The following YARS1 variants were observed in gnomAD, a reference collection of about 807,000 sequenced individuals.
YARS1 encodes tyrosyl-tRNA synthetase 1.
In YARS1, 36 loss-of-function variants were observed where a neutral mutation model predicts 62.2. The ratio of observed to expected loss-of-function variants is 0.58; its 90% CI spans 0.44 to 0.76. The LOEUF (loss-of-function observed/expected upper bound fraction) is 0.76. Ranked by LOEUF, YARS1 falls within the 30% of genes least tolerant of loss-of-function variation. The pLI is 0.00. For synonymous variants in YARS1, 234 were observed against 244.9 expected (o/e 0.96, Z 0.42); for missense variants, 524 against 639.8 (o/e 0.82, Z 1.95).
chr1:32,784,105 A>T (rs890101598), intron 8 of YARS1, among the ~76,000 whole-genome samples: 1 of 152,042 alleles, frequency 6.6e-6, no homozygotes, highest in South Asian at 2.1e-4. Flanking sequence ...CCTGGGCTCA[A>T]GCGATCCTCC....
At chr1:32,795,173 G>A (rs1418270583) in intron 5 of YARS1, among the ~76,000 whole-genome samples, 3 of 150,746 alleles carry the variant, frequency 2.0e-5, no homozygotes, top group African/African-American at 7.3e-5. Context: ...CAAAAAATTA[G>A]CAGGGTGTGG....
chr1:32,797,103 G>C (rs1326581839), intron 5 of YARS1, among the ~76,000 whole-genome samples: 1 of 132,666 alleles, frequency 7.5e-6, no homozygotes, highest in Non-Finnish European at 1.5e-5. Context: ...CAGGCACAGT[G>C]GATCTCACCT....
rs1652839884 is a variant in YARS1 at position 32,775,885 on chromosome 1, T to G, written c.*96A>C. 2.6e-6 allele frequency: 3 copies of G among 1,168,888 alleles called. No individual in the cohort carries two copies. The highest frequency in any genetic ancestry group is 3.8e-6 in the Non-Finnish European group (3 of 786,668). The allele number at this position is 1,168,888 out of a possible 1,614,324, so 72.4% of individuals were successfully genotyped here. Reference sequence around the variant, plus strand: ...AAAGAGTCCAAACCCGCTGCTTCCGTGTCCTGAGAGATGGGTAAATGGGTG... The same window carrying G: ...AAAGAGTCCAAACCCGCTGCTTCCGGGTCCTGAGAGATGGGTAAATGGGTG... On this transcript the variant is annotated 3_prime_UTR_variant, in exon 13 of 13. Transcript: ENST00000373477.
At chr1:32,789,736 A>G (rs1187812770) in intron 6 of YARS1, among the ~76,000 whole-genome samples, 1 of 138,564 alleles carries the variant, frequency 7.2e-6, no homozygotes, top group Non-Finnish European at 1.6e-5. Flanking sequence ...TTACAGGTGC[A>G]TGCCACCACA....
intron 1 of YARS1, among the ~76,000 whole-genome samples, chr1:32,811,866 C>T (rs1638594059): frequency 1.3e-5 from 2 of 152,064 alleles, no homozygotes; most frequent in South Asian, 2.1e-4. Flanking sequence ...AGCAGCTACC[C>T]GTAAACCAAA....
At chr1:32,790,316 G>A (rs554857499) in intron 6 of YARS1, among the ~76,000 whole-genome samples, 29 of 148,764 alleles carry the variant, frequency 1.9e-4, no homozygotes, top group African/African-American at 6.1e-4. Flanking sequence ...AGACCATCCT[G>A]GCTAATACAG....
intron 1 of YARS1, chr1:32,816,654 C>G (rs1244734364): frequency 6.4e-6 from 1 of 157,474 alleles, no homozygotes; most frequent in African/African-American, 2.4e-5. Context: ...CTCTGGTTCA[C>G]TTCTACTCCT....
intron 4 of YARS1, among the ~76,000 whole-genome samples, chr1:32,799,026 A>T (rs1316386126): frequency 1.3e-5 from 2 of 152,190 alleles, no homozygotes; most frequent in Non-Finnish European, 2.9e-5. Context: ...TGTTCATATA[A>T]GGAACAGTGT....
At chr1:32,793,970 C>T (rs2148607856) in intron 5 of YARS1, among the ~76,000 whole-genome samples, 1 of 152,292 alleles carries the variant, frequency 6.6e-6, no homozygotes, top group South Asian at 2.1e-4. Context: ...GGAAAATGAA[C>T]TCACACAGAA....
chr1:32,794,020 G>GGAA (rs1258501804), intron 5 of YARS1, among the ~76,000 whole-genome samples: 1 of 152,174 alleles, frequency 6.6e-6, no homozygotes. Context: ...ATCAGAAAGG[G>GGAA]GAAGTAGGGG....
intron 4 of YARS1, among the ~76,000 whole-genome samples, chr1:32,804,908 C>G (rs994148087): frequency 1.3e-5 from 2 of 152,122 alleles, no homozygotes; most frequent in Admixed American, 1.3e-4. Flanking sequence ...TTGTAGCGAG[C>G]TGAGATCACG....
At chr1:32,783,033 T>G (rs770317551) in intron 8 of YARS1, 2 of 167,046 alleles carry the variant, frequency 1.2e-5, no homozygotes, top group African/African-American at 4.8e-5. Flanking sequence ...TCTCTTTTCT[T>G]TTTGTAGAGA....
intron 6 of YARS1, among the ~76,000 whole-genome samples, chr1:32,790,060 T>G (rs1348275106): frequency 5.5e-5 from 8 of 146,438 alleles, no homozygotes; most frequent in Admixed American, 2.0e-4. Context: ...ATTTTTGTAC[T>G]TTTAGTAGAG....
intron 4 of YARS1, among the ~76,000 whole-genome samples, chr1:32,803,411 C>CATGAG (rs892569188): frequency 2.7e-5 from 4 of 150,474 alleles, no homozygotes; most frequent in African/African-American, 9.8e-5. Flanking sequence ...GGATTACAGG[C>CATGAG]ATGAGCCACC....
rs753211165 is a variant in YARS1, at chr1:32,786,394, A to C, written c.874T>G (p.Tyr292Asp). 58 of 1,614,006 alleles carry C rather than the reference A, an allele frequency of 3.6e-5. No homozygotes were observed. In the Middle Eastern group the frequency reaches 7.9e-3, roughly 220 times the overall value. The change falls in exon 8 of 13, where the codon TAC (tyrosine) becomes GAC (aspartate). Residue 292 changes from tyrosine (Y) to aspartate (D), a missense_variant. By Grantham distance (160) the Tyr-to-Asp change is radical (BLOSUM62 -3). Coordinates refer to ENST00000373477, the MANE Select transcript of YARS1 (RefSeq NM_003680.4). ...GCAAAGTCCTTTTCCAGGTCCACGT[A>C]AGCTGTGTAGGTTTTGTTTCCACCC... is the stretch of plus-strand genomic sequence containing the variant. ...KWGGNKTYTA[Y>D]VDLEKDFAAE...
chr1:32,782,675 G>A, intron 8 of YARS1, 136 bp from the exon 9 acceptor site: 1 of 1,210,746 alleles, frequency 8.3e-7, no homozygotes, highest in South Asian at 1.3e-5. Context: ...GAGGCAGGTA[G>A]GAGAAGGGAA....
At chr1:32,792,235 C>A (rs1653432767) in intron 5 of YARS1, among the ~76,000 whole-genome samples, 3 of 152,146 alleles carry the variant, frequency 2.0e-5, no homozygotes, top group African/African-American at 7.2e-5. Flanking sequence ...GCTTTGTGAA[C>A]ACCATGATAT....
intron 4 of YARS1, among the ~76,000 whole-genome samples, chr1:32,798,782 C>T (rs150590509): frequency 4.6e-5 from 7 of 152,284 alleles, no homozygotes; most frequent in Non-Finnish European, 7.4e-5. Context: ...ATGATCGTGC[C>T]ACTGCACCCG....
chr1:32,804,714 TGGC>T (rs1325911812), intron 4 of YARS1, among the ~76,000 whole-genome samples: 1 of 150,198 alleles, frequency 6.7e-6, no homozygotes, highest in African/African-American at 2.5e-5. Flanking sequence ...CCAGACGTGA[TGGC>T]GGCCGGGAAG....
Sources: gnomAD v4.1 joint callset for allele counts (sites outside exome capture counted in the v4.1 genomes callset) on GRCh38, gnomAD v4.1.1 for gene constraint, MANE v1.5 for transcripts, NCBI Gene and HGNC (gene_info 2026-07-23, HGNC 2026-07-21) for gene names.